SLCO5A1: variants seen among roughly 807,000 people sequenced by gnomAD.
SLCO5A1 encodes the protein organic anion transporter polypeptide-related protein 4.
In SLCO5A1, 39 loss-of-function variants were observed where a neutral mutation model predicts 65.1. The ratio of observed to expected loss-of-function variants is 0.60; its 90% CI spans 0.46 to 0.78. The LOEUF (loss-of-function observed/expected upper bound fraction) is 0.78, where lower values mean the gene tolerates loss of function less well. Ranked by LOEUF, SLCO5A1 falls within the 30% of genes least tolerant of loss-of-function variation. The probability of loss-of-function intolerance (pLI) is 0.00; values close to 1 mark genes in which losing one functional copy is unlikely to be tolerated. For missense variants in SLCO5A1, 1,029 were observed against 1,069.4 expected (o/e 0.96, Z 0.53); for synonymous variants, 438 against 415.7 (o/e 1.05, Z -0.65).
At chr8:69,678,085 C>T (rs1265138207) in intron 8 of SLCO5A1, among the ~76,000 whole-genome samples, 1 of 152,192 alleles carries the variant, frequency 6.6e-6, no homozygotes, top group Non-Finnish European at 1.5e-5. Flanking sequence ...GCCTCCATAA[C>T]AACTGTTTCA....
At chr8:69,812,013 T>C (rs796209995) in intron 2 of SLCO5A1, among the ~76,000 whole-genome samples, 11 of 152,272 alleles carry the variant, frequency 7.2e-5, no homozygotes, top group African/African-American at 2.4e-4. Flanking sequence ...CAGAGTATAG[T>C]TTTGAGAAGA....
chr8:69,680,585 C>T (rs1028800709), intron 7 of SLCO5A1, among the ~76,000 whole-genome samples: 4 of 152,128 alleles, frequency 2.6e-5, no homozygotes, highest in African/African-American at 7.2e-5. Context: ...AACAGTGCTG[C>T]GATGAACATA....
At chr8:69,692,545 C>G (rs1294353743) in intron 6 of SLCO5A1, among the ~76,000 whole-genome samples, 1 of 152,202 alleles carries the variant, frequency 6.6e-6, no homozygotes, top group African/African-American at 2.4e-5. Context: ...CTTTTTGACT[C>G]TTTTGTAATA....
intron 2 of SLCO5A1, among the ~76,000 whole-genome samples, chr8:69,816,174 T>C (rs1820400073): frequency 6.6e-6 from 1 of 152,180 alleles, no homozygotes; most frequent in Admixed American, 6.5e-5. Flanking sequence ...CTTTATTGGA[T>C]AATTATTGGA....
chr8:69,758,078 A>G (rs1438047558), intron 3 of SLCO5A1, among the ~76,000 whole-genome samples: 1 of 152,256 alleles, frequency 6.6e-6, no homozygotes, highest in African/African-American at 2.4e-5. Flanking sequence ...AAAATTAAAT[A>G]AGACAGTGTT....
At chr8:69,744,151 G>T (rs764848714) in intron 4 of SLCO5A1, among the ~76,000 whole-genome samples, 2 of 152,074 alleles carry the variant, frequency 1.3e-5, no homozygotes, top group African/African-American at 2.4e-5. Context: ...TTTTGCTGTT[G>T]TGTTAGATTA....
Position 69,832,473 on chromosome 8 carries a change from C to CG in SLCO5A1, c.200dup (p.His69ProfsTer28). 1 of 1,612,754 alleles carries CG rather than the reference C, an allele frequency of 6.2e-7. No individual in the cohort carries two copies. The highest frequency in any genetic ancestry group is 1.3e-5 in the African/African-American group (1 of 75,008). ...GGCCTTGCTTCAACTCCTGGTGGCC[C>CG]GAAGAATCCACACAGCCAAAGGCCG... On this transcript the variant is annotated frameshift_variant, in exon 2 of 10. Coordinates refer to ENST00000260126, the MANE Select transcript of SLCO5A1 (RefSeq NM_030958.3). LOFTEE classifies it high-confidence loss of function. This position sits in a 1 kb window ranked among gnomAD's most constrained non-coding sequence, Gnocchi z 4.5.
intron 2 of SLCO5A1, among the ~76,000 whole-genome samples, chr8:69,783,400 T>A (rs1402097961): frequency 6.6e-6 from 1 of 152,092 alleles, no homozygotes; most frequent in African/African-American, 2.4e-5. Context: ...TCACATTGCA[T>A]GCCTGTAGCA....
rs916263517 is a variant in SLCO5A1, at chr8:69,670,186, A to C, written c.*2683T>G. 1 of 152,252 alleles carries C rather than the reference A, an allele frequency of 6.6e-6. No individual in the cohort carries two copies. Among genetic ancestry groups the C allele is most frequent in the Admixed American group, 6.5e-5 (1 of 15,288 alleles). The allele number at this position is 152,252 out of a possible 1,614,324, so 9.4% of individuals were successfully genotyped here. On this transcript the variant is annotated 3_prime_UTR_variant, in exon 10 of 10. Transcript: ENST00000260126. ...GAATTTACAGTTTATAAAGGACAAG[A>C]TGACCTTTTCCAAAACAAGTAATTT...
intron 2 of SLCO5A1, among the ~76,000 whole-genome samples, chr8:69,800,921 C>T (rs1357020067): frequency 1.3e-5 from 2 of 152,206 alleles, no homozygotes; most frequent in South Asian, 2.1e-4. Flanking sequence ...CCCCATCCAA[C>T]GCCAAAGGTG....
chr8:69,759,835 AT>A (rs1376041630), intron 3 of SLCO5A1, among the ~76,000 whole-genome samples: 6 of 152,102 alleles, frequency 3.9e-5, no homozygotes, highest in Non-Finnish European at 8.8e-5. Context: ...TTTAGTAGAG[AT>A]GGAGGCTCGC....
chr8:69,720,671 T>G (rs886836625), intron 5 of SLCO5A1, among the ~76,000 whole-genome samples: 15 of 152,254 alleles, frequency 9.9e-5, no homozygotes, highest in African/African-American at 3.6e-4. Context: ...TAAAATATAT[T>G]ACTACCTCAT....
chr8:69,763,657 T>C (rs1400159846), intron 2 of SLCO5A1, among the ~76,000 whole-genome samples: 3 of 110,548 alleles, frequency 2.7e-5, no homozygotes, highest in African/African-American at 1.0e-4. Flanking sequence ...AAAAAGGGTG[T>C]ATAGCAAACA....
At chr8:69,754,224 GTCATGTACAGT>G (rs1817452068) in intron 4 of SLCO5A1, among the ~76,000 whole-genome samples, 1 of 152,120 alleles carries the variant, frequency 6.6e-6, no homozygotes, top group Admixed American at 6.5e-5. Flanking sequence ...AGCATAAGAA[GTCATGTACAGT>G]TCCAAAAGTG....
intron 2 of SLCO5A1, among the ~76,000 whole-genome samples, chr8:69,793,777 CTAAATAAATAAA>C (rs71556785): frequency 0.02 from 2,791 of 141,872 alleles, 48 homozygotes; most frequent in African/African-American, 0.053. Context: ...GACTCTGTCT[CTAAATAAATAAA>C]TAAATAAATA....
chr8:69,824,748 A>G (rs1473971264), intron 2 of SLCO5A1, among the ~76,000 whole-genome samples: 2 of 152,246 alleles, frequency 1.3e-5, no homozygotes, highest in African/African-American at 4.8e-5. Context: ...ATCAATAGAA[A>G]AAGAGGGAAT....
chr8:69,696,703 C>G (rs886299521), intron 6 of SLCO5A1, among the ~76,000 whole-genome samples: 1 of 152,164 alleles, frequency 6.6e-6, no homozygotes, highest in Non-Finnish European at 1.5e-5. Context: ...TGAGTATTGT[C>G]ATCTGCAAAG....
At chr8:69,695,297 C>A (rs1252742747) in intron 6 of SLCO5A1, among the ~76,000 whole-genome samples, 7 of 152,118 alleles carry the variant, frequency 4.6e-5, no homozygotes, top group Non-Finnish European at 7.3e-5. Flanking sequence ...GAGTTCAAGA[C>A]CAGCCTGGCC....
At chr8:69,773,040 C>T (rs1386949108) in intron 2 of SLCO5A1, 2 of 856,024 alleles carry the variant, frequency 2.3e-6, no homozygotes, top group Non-Finnish European at 2.8e-6. Context: ...TTCATGGATG[C>T]TAGACACTAA....
Sources: gnomAD v4.1 joint callset for allele counts (sites outside exome capture counted in the v4.1 genomes callset) on GRCh38, gnomAD v4.1.1 for gene constraint, Gnocchi (gnomAD v3.1) non-coding constraint, MANE v1.5 for transcripts, NCBI Gene and HGNC (gene_info 2026-07-23, HGNC 2026-07-21) for gene names.